The following BACE1 variants were observed in gnomAD, a reference collection of about 807,000 sequenced individuals.
The protein encoded by BACE1 is beta-secretase 1.
Under a neutral mutation model 54.0 loss-of-function variants are expected in BACE1, and 21 were observed. That is an observed-to-expected ratio of 0.39 (90% CI 0.28 to 0.56). The LOEUF (loss-of-function observed/expected upper bound fraction) is 0.56. Ranked by LOEUF, BACE1 falls within the 20% of genes least tolerant of loss-of-function variation. The pLI is 0.63. For missense variants in BACE1, 511 were observed against 661.2 expected (o/e 0.77, Z 2.49); for synonymous variants, 232 against 260.9 (o/e 0.89, Z 1.07).
chr11:117,309,989 A>G (rs972050001), intron 1 of BACE1, among the ~76,000 whole-genome samples: 2 of 137,840 alleles, frequency 1.5e-5, no homozygotes, highest in Non-Finnish European at 2.9e-5. Flanking sequence ...GCTCACTGCA[A>G]CCTCCACCTC....
chr11:117,291,170 G>T lies in BACE1; in HGVS notation c.943-121C>A, dbSNP rs1188420550. The T allele has an allele frequency of 2.3e-6, 3 of 1,286,758 alleles. No individual in the cohort carries two copies. In the African/African-American group the frequency reaches 4.4e-5, roughly 19 times the overall value. The allele number at this position is 1,286,758 out of a possible 1,614,324, so 79.7% of individuals were successfully genotyped here. ...TTTCCAGTGAAATATCTAAAGTGGGGAGGGGTAAACCAACCAGAGGATTAC... is the reference window on the plus strand; with the variant it reads ...TTTCCAGTGAAATATCTAAAGTGGGTAGGGGTAAACCAACCAGAGGATTAC... On this transcript the variant is annotated intron_variant, in intron 6 of 8. Coordinates refer to ENST00000313005, the MANE Select transcript of BACE1 (RefSeq NM_012104.6).
chr11:117,301,268 C>A (rs1171186373), intron 1 of BACE1, among the ~76,000 whole-genome samples: 1 of 152,194 alleles, frequency 6.6e-6, no homozygotes, highest in Non-Finnish European at 1.5e-5. Flanking sequence ...CTCCTTTGAG[C>A]TCCCGACGCA....
chr11:117,305,674 CA>C (rs2034815578), intron 1 of BACE1, among the ~76,000 whole-genome samples: 1 of 152,028 alleles, frequency 6.6e-6, no homozygotes, highest in Non-Finnish European at 1.5e-5. Flanking sequence ...CCTCCTACTC[CA>C]ATAGAATGAT....
rs955515980 is a variant in BACE1 at position 117,292,801 on chromosome 11, A to G, written c.840+253T>C. On this transcript the variant is annotated intron_variant, in intron 5 of 8. Transcript: ENST00000313005. ...CACAAAAGACTTGCCCAAGGCTACG[A>G]AGCAAGGCAGTGACTAGAGTCCAGA... 33 of 393,002 alleles carry G rather than the reference A, an allele frequency of 8.4e-5. No individual in the cohort carries two copies. In the East Asian group the frequency reaches 1.6e-3, roughly 19 times the overall value. The allele number at this position is 393,002 out of a possible 1,614,324, so 24.3% of individuals were successfully genotyped here. A position where few individuals can be genotyped will look rare whatever the true frequency, so the allele number is the denominator to read the frequency against.
chr11:117,305,872 A>G (rs1473973964), intron 1 of BACE1, among the ~76,000 whole-genome samples: 1 of 151,830 alleles, frequency 6.6e-6, no homozygotes, highest in East Asian at 1.9e-4. Flanking sequence ...CGTCTCCACT[A>G]AAAAATACAA....
intron 5 of BACE1, 124 bp downstream of exon 5, chr11:117,292,917 GTTCTAGGCTCAAC>G (rs2034486718): frequency 2.8e-6 from 3 of 1,074,462 alleles, no homozygotes; most frequent in Non-Finnish European, 4.1e-6. Context: ...GCCCCTGACT[GTTCTAGGCTCAAC>G]TTCCAACCCT....
At chr11:117,290,850 C>G in intron 7 of BACE1, 50 bp downstream of exon 7, 1 of 1,597,212 alleles carries the variant, frequency 6.3e-7, no homozygotes, top group Non-Finnish European at 8.5e-7. Flanking sequence ...CTCACTGTCT[C>G]CCAGTGTGTA....
chr11:117,295,703 C>G, intron 2 of BACE1: 1 of 1,481,056 alleles, frequency 6.8e-7, no homozygotes, highest in Non-Finnish European at 8.9e-7. Context: ...CTCCGTCAAG[C>G]TCCCCGAGAA....
chr11:117,308,310 T>C (rs2134488731), intron 1 of BACE1, among the ~76,000 whole-genome samples: 1 of 152,336 alleles, frequency 6.6e-6, no homozygotes, highest in Admixed American at 6.5e-5. Flanking sequence ...CCTTTCCCTC[T>C]CTGTTCCCTC....
At chr11:117,295,396 A>G (rs2134458829) in intron 2 of BACE1, 49 bp from the exon 3 acceptor site, 4 of 1,597,644 alleles carry the variant, frequency 2.5e-6, no homozygotes, top group Non-Finnish European at 3.4e-6. Flanking sequence ...CAACTGGTAT[A>G]AGGATCTAAG....
At chr11:117,303,281 C>T (rs910860664) in intron 1 of BACE1, among the ~76,000 whole-genome samples, 1 of 152,140 alleles carries the variant, frequency 6.6e-6, no homozygotes, top group African/African-American at 2.4e-5. Context: ...GACAGATGCC[C>T]AGGGAGCTGC....
intron 7 of BACE1, 62 bp downstream of exon 7, chr11:117,290,838 T>TG: frequency 6.3e-7 from 1 of 1,585,072 alleles, no homozygotes; most frequent in Non-Finnish European, 8.6e-7. Flanking sequence ...AAGCCATACC[T>TG]GCTCACTGTC....
intron 3 of BACE1, 48 bp downstream of exon 3, chr11:117,295,083 T>G: frequency 6.6e-7 from 1 of 1,517,230 alleles, no homozygotes; most frequent in Non-Finnish European, 9.2e-7. Flanking sequence ...CTTCTCTGTA[T>G]AGTGCAGTGT....
At chr11:117,297,549 G>A (rs2034631027) in intron 1 of BACE1, among the ~76,000 whole-genome samples, 1 of 152,220 alleles carries the variant, frequency 6.6e-6, no homozygotes, top group African/African-American at 2.4e-5. Context: ...GACCCTGGGA[G>A]GTGGAGGTTG....
intron 1 of BACE1, 83 bp from the exon 2 acceptor site, chr11:117,297,044 A>G: frequency 9.8e-7 from 1 of 1,018,082 alleles, no homozygotes; most frequent in Non-Finnish European, 1.5e-6. Flanking sequence ...CGCCCCAGCC[A>G]CAGTCTGCCC....
At position 117,288,868 on chromosome 11, in the gene BACE1, A is replaced by T. The variant is rs1486864147; in HGVS notation, c.*698T>A. On this transcript the variant is annotated 3_prime_UTR_variant, in exon 9 of 9. Transcript: ENST00000313005. ...AACAACACCCATCTTCTGAGATGGG[A>T]TGCTATCTTGGAGATGAGGTCTAAA... is the stretch of plus-strand genomic sequence containing the variant. 6.6e-6 allele frequency: 1 copy of T among 152,198 alleles called. No individual in the cohort carries two copies. The highest frequency in any genetic ancestry group is 2.4e-5 in the African/African-American group (1 of 41,428). 9.4% of individuals were successfully genotyped at this position (152,198 alleles called of 1,614,324 possible).
At chr11:117,291,134 C>G in intron 6 of BACE1, 85 bp from the exon 7 acceptor site, 4 of 1,491,598 alleles carry the variant, frequency 2.7e-6, no homozygotes, top group Non-Finnish European at 2.7e-6. Flanking sequence ...TAACTGGGCC[C>G]TTCATTTGCT....
At position 117,316,062 on chromosome 11, in the gene BACE1, G is replaced by C. The variant is rs2035110616; in HGVS notation, c.-267C>G. The stretch of plus-strand genomic sequence containing the variant: ...ACGGCGGCGGCCAGCCTGGGCAGCG[G>C]GCGCGGGCTCCCGGCGGGGCTGGGA... On this transcript the variant is annotated 5_prime_UTR_variant, in exon 1 of 9. Transcript: ENST00000313005. 2.5e-6 allele frequency: 1 copy of C among 397,374 alleles called. No individual in the cohort carries two copies. The highest frequency in any genetic ancestry group is 3.6e-5 in the East Asian group (1 of 27,820). The allele number at this position is 397,374 out of a possible 1,614,324, so 24.6% of individuals were successfully genotyped here. A position where few individuals can be genotyped will look rare whatever the true frequency, so the allele number is the denominator to read the frequency against.
intron 1 of BACE1, among the ~76,000 whole-genome samples, chr11:117,314,092 C>T (rs915786777): frequency 3.9e-5 from 6 of 152,170 alleles, no homozygotes; most frequent in African/African-American, 1.2e-4. Context: ...TCTGCAGCCC[C>T]GTCCTGCATC....
Sources: allele counts gnomAD v4.1 joint callset (sites outside exome capture counted in the v4.1 genomes callset), GRCh38; gene constraint gnomAD v4.1.1; transcripts MANE v1.5; gene names NCBI Gene and HGNC (gene_info 2026-07-23, HGNC 2026-07-21).